TFEB: variants seen among roughly 807,000 people sequenced by gnomAD.
TFEB encodes the protein T-cell transcription factor EB.
A neutral mutation model predicts 48.0 loss-of-function variants in TFEB; 12 were observed. The observed-to-expected ratio is 0.25, with a 90% CI of 0.16 to 0.40. The LOEUF (loss-of-function observed/expected upper bound fraction) is 0.40. TFEB is among the 10% of genes least tolerant of loss of function. The probability of loss-of-function intolerance (pLI) is 1.00; values close to 1 mark genes in which losing one functional copy is unlikely to be tolerated. For missense variants in TFEB, 509 were observed against 640.3 expected, an observed-to-expected ratio of 0.79 and a Z score of 2.21; for synonymous variants, 244 against 261.4, an observed-to-expected ratio of 0.93 and a Z score of 0.64.
chr6:41,684,510 C>T lies in TFEB; in HGVS notation c.*89G>A. 1 of 1,440,760 alleles carries T rather than the reference C, an allele frequency of 6.9e-7. No homozygotes were observed. Among genetic ancestry groups the T allele is most frequent in the East Asian group, 2.5e-5 (1 of 39,456 alleles). The allele number at this position is 1,440,760 out of a possible 1,614,324, so 89.2% of individuals were successfully genotyped here. On this transcript the variant is annotated 3_prime_UTR_variant, in exon 9 of 9. Coordinates refer to ENST00000373033, the MANE Select transcript of TFEB (RefSeq NM_001271944.2). The stretch of plus-strand genomic sequence containing the variant: ...GCAGGGCAGGTGGCTACTTCACACA[C>T]AGTGCAGCCTGAAGGGTGGGAGGGA...
At chr6:41,698,257 G>A (rs914880266) in intron 1 of TFEB, among the ~76,000 whole-genome samples, 1 of 152,184 alleles carries the variant, frequency 6.6e-6, no homozygotes, top group Non-Finnish European at 1.5e-5. Context: ...CTGGACCCTG[G>A]CAGTCTGGCT....
intron 6 of TFEB, chr6:41,687,541 C>T: frequency 1.5e-6 from 1 of 672,284 alleles, no homozygotes; most frequent in South Asian, 1.8e-5. Context: ...GGAATCCTTC[C>T]TACCCACTCC....
intron 1 of TFEB, among the ~76,000 whole-genome samples, chr6:41,709,981 G>A (rs529106729): frequency 3.9e-5 from 6 of 152,012 alleles, no homozygotes; most frequent in Non-Finnish European, 8.8e-5. Flanking sequence ...AGAGATGGGG[G>A]TCTCATTATG....
intron 1 of TFEB, among the ~76,000 whole-genome samples, chr6:41,725,712 C>A (rs1056357812): frequency 1.3e-5 from 2 of 151,942 alleles, no homozygotes; most frequent in Non-Finnish European, 2.9e-5. Flanking sequence ...CTTATATATA[C>A]CCCGATGCAT....
intron 1 of TFEB, among the ~76,000 whole-genome samples, chr6:41,725,086 C>T (rs969349847): frequency 2.0e-5 from 3 of 152,316 alleles, no homozygotes; most frequent in Non-Finnish European, 2.9e-5. Flanking sequence ...TTTTCAGATT[C>T]CAAGGAGGCT....
Position 41,734,804 on chromosome 6 carries a change from C to A in TFEB, c.-23+546G>T. The A allele has an allele frequency of 2.5e-6, 2 of 791,470 alleles. No individual in the cohort carries two copies. Among genetic ancestry groups the A allele is most frequent in the Non-Finnish European group, 3.1e-6 (2 of 652,672 alleles). 49.0% of individuals were successfully genotyped at this position (791,470 alleles called of 1,614,324 possible). A position where few individuals can be genotyped will look rare whatever the true frequency, so the allele number is the denominator to read the frequency against. On this transcript the variant is annotated intron_variant, in intron 1 of 8. Transcript: ENST00000373033. This position sits in a 1 kb window ranked among gnomAD's most constrained non-coding sequence, Gnocchi z 4.0. ...GGGAGAGATGGTACTTCCACCCGCC[C>A]CCCCATCAGCCCAGCCCCCGGGGCG...
chr6:41,686,514 T>TC (rs1561848138), intron 7 of TFEB: 1 of 318,036 alleles, frequency 3.1e-6, no homozygotes, highest in African/African-American at 2.2e-5. Flanking sequence ...CTTTCTTTTT[T>TC]TTTTTTTTTT....
At chr6:41,690,520 C>G (rs1769246163) in intron 3 of TFEB, 143 bp downstream of exon 3, 9 of 989,368 alleles carry the variant, frequency 9.1e-6, no homozygotes, top group African/African-American at 1.7e-5. Context: ...GATTGGGGCT[C>G]CCTGAGAAGG....
At chr6:41,706,079 C>T (rs1383543225) in intron 1 of TFEB, 1 of 152,464 alleles carries the variant, frequency 6.6e-6, no homozygotes, top group African/African-American at 2.4e-5. Flanking sequence ...CTCTTCCTCC[C>T]CAACCCCAGA....
In TFEB at chr6:41,690,799, G is replaced by T. The variant is rs746340602; in HGVS notation, c.332C>A (p.Ala111Asp). 53 of 1,612,972 alleles carry T rather than the reference G, an allele frequency of 3.3e-5. No homozygotes were observed. The highest frequency in any genetic ancestry group is 4.3e-5 in the Non-Finnish European group (51 of 1,179,576). ...TGGTGGGGGTTTCGGAGAGCCCTGG[G>T]CTGGGCTGATGTGGGCAGCAAACTT... is the stretch of plus-strand genomic sequence containing the variant. ...GNKFAAHISP[A>D]QGSPKPPPAA... Residue 111 changes from alanine (A) to aspartate (D), a missense_variant, in exon 3 of 9, where the codon GCC becomes GAC. Ala to Asp is a moderately radical substitution (Grantham distance 126). Transcript: ENST00000373033.
rs1336362879 is a variant in TFEB at position 41,732,615 on chromosome 6, C to A, written c.-23+2735G>T. The A allele has an allele frequency of 4.2e-5, 41 of 985,838 alleles. No homozygotes were observed. The Admixed American group carries it at 1.4e-3, about 34-fold the overall frequency. 61.1% of individuals were successfully genotyped at this position (985,838 alleles called of 1,614,324 possible). ...AAACTCACAACCATTACATAAACCCCACACCAACCCAGAAAGCAACATCAT... is the reference window on the plus strand; with the variant it reads ...AAACTCACAACCATTACATAAACCCAACACCAACCCAGAAAGCAACATCAT... On this transcript the variant is annotated intron_variant, in intron 1 of 8. Coordinates refer to ENST00000373033, the MANE Select transcript of TFEB (RefSeq NM_001271944.2).
rs1276196091 is a variant in TFEB at position 41,685,026 on chromosome 6, C to T, written c.1004G>A (p.Gly335Asp). Residue 335 changes from glycine to aspartate, a missense_variant, in exon 9 of 9, where the codon GGC (glycine) becomes GAC (aspartate). Physicochemically the swap from Gly to Asp is moderately conservative, Grantham distance 94. Around this residue, in one of 4 missense-constraint regions of TFEB, gnomAD observed 62 missense variants for 90.2 expected, o/e 0.69. Transcript: ENST00000373033. ...CTGGGCCAGCTCAGCCATGTTCATG[C>T]CGGACGGGGAGGTGGTAGGGAGGCC... ...VHGLPTTSPS[G>D]MNMAELAQQV... 1 of 1,498,702 alleles carries T rather than the reference C, an allele frequency of 6.7e-7. No homozygotes were observed. Among genetic ancestry groups the T allele is most frequent in the East Asian group, 2.5e-5 (1 of 40,454 alleles). The allele number at this position is 1,498,702 out of a possible 1,614,324, so 92.8% of individuals were successfully genotyped here.
intron 1 of TFEB, among the ~76,000 whole-genome samples, chr6:41,729,726 G>C (rs1415318375): frequency 2.0e-5 from 3 of 152,244 alleles, no homozygotes; most frequent in African/African-American, 7.2e-5. Flanking sequence ...TTCAGGGGAG[G>C]TGGGGACAGG....
intron 1 of TFEB, among the ~76,000 whole-genome samples, chr6:41,729,428 T>C (rs1208229551): frequency 6.6e-6 from 1 of 152,254 alleles, no homozygotes; most frequent in East Asian, 1.9e-4. Context: ...TGGAATCAAA[T>C]ACTTGCCCTC....
In TFEB at chr6:41,684,994, C is replaced by T; in HGVS notation, c.1036G>A (p.Val346Met). The T allele has an allele frequency of 1.9e-6, 3 of 1,562,834 alleles. No homozygotes were observed. The highest frequency in any genetic ancestry group is 1.2e-5 in the South Asian group (1 of 83,988). ...MNMAELAQQVVKQELPSEEGP... is the reference protein window; with the variant it reads ...MNMAELAQQVMKQELPSEEGP... ...TCTTCGCTAGGCAGCTCCTGCTTCA[C>T]CACCTGCTGGGCCAGCTCAGCCATG... The change falls in exon 9 of 9, where the codon GTG becomes ATG. Residue 346 changes from valine (V) to methionine (M), a missense_variant. By Grantham distance (21) the Val-to-Met change is conservative (BLOSUM62 1). Coordinates refer to ENST00000373033, the MANE Select transcript of TFEB (RefSeq NM_001271944.2).
At chr6:41,700,269 A>G (rs1769831924) in intron 1 of TFEB, among the ~76,000 whole-genome samples, 1 of 152,198 alleles carries the variant, frequency 6.6e-6, no homozygotes, top group Non-Finnish European at 1.5e-5. Flanking sequence ...GATGGAGACC[A>G]TCCTGGCTAA....
chr6:41,719,221 G>A (rs1450109437), intron 1 of TFEB, among the ~76,000 whole-genome samples: 1 of 152,110 alleles, frequency 6.6e-6, no homozygotes, highest in Non-Finnish European at 1.5e-5. Flanking sequence ...CCCCCAGATG[G>A]GACCGTCTAG....
At chr6:41,727,315 A>G (rs1460038290) in intron 1 of TFEB, among the ~76,000 whole-genome samples, 1 of 152,216 alleles carries the variant, frequency 6.6e-6, no homozygotes, top group Non-Finnish European at 1.5e-5. Flanking sequence ...GACAAAGAGC[A>G]GGAGAGAGAG....
intron 1 of TFEB, among the ~76,000 whole-genome samples, chr6:41,732,005 G>A (rs752725251): frequency 3.9e-5 from 6 of 152,144 alleles, no homozygotes; most frequent in Admixed American, 6.5e-5. Context: ...TCAGACAGGG[G>A]CCTCAGCAAG....
Sources: gnomAD v4.1 joint callset for allele counts (sites outside exome capture counted in the v4.1 genomes callset) on GRCh38, gnomAD v4.1.1 for gene constraint, gnomAD v4.1.1 regional missense constraint, Gnocchi (gnomAD v3.1) non-coding constraint, MANE v1.5 for transcripts, NCBI Gene and HGNC (gene_info 2026-07-23, HGNC 2026-07-21) for gene names.